Variants in SLC61A1 observed in about 807,000 individuals in gnomAD.
SLC61A1 encodes the protein major facilitator superfamily domain containing 5.
the SLC61A1 span, chr12:53,252,536 C>G: frequency 2.2e-6 from 3 of 1,366,922 alleles, no homozygotes; most frequent in Non-Finnish European, 2.8e-6. Flanking sequence ...GTAGAATTTG[C>G]GGGAGCGGGA....
chr12:53,253,269 T>C, the SLC61A1 span: 8 of 1,614,150 alleles, frequency 5.0e-6, no homozygotes, highest in Non-Finnish European at 8.5e-7. Flanking sequence ...GCCCTGCTCT[T>C]CTCAGCCTTC....
the SLC61A1 span, chr12:53,252,539 G>T: frequency 7.3e-7 from 1 of 1,375,044 alleles, no homozygotes; most frequent in South Asian, 1.7e-5. Flanking sequence ...GAATTTGCGG[G>T]AGCGGGATTA....
At chr12:53,252,325 G>T in the SLC61A1 span, 1 of 1,367,604 alleles carries the variant, frequency 7.3e-7, no homozygotes, top group Admixed American at 3.7e-5. Context: ...GCAGGGGCTA[G>T]GGGGCGCAGT....
the SLC61A1 span, chr12:53,253,504 G>T: frequency 1.2e-6 from 2 of 1,614,184 alleles, no homozygotes; most frequent in Non-Finnish European, 1.7e-6. Context: ...GAAACTGGGG[G>T]GAGAACTATG....
chr12:53,253,564 C>T, the SLC61A1 span: 1 of 1,614,032 alleles, frequency 6.2e-7, no homozygotes, highest in Non-Finnish European at 8.5e-7. Context: ...TGCGCTGCCT[C>T]CTGTCGGACC....
the SLC61A1 span, chr12:53,252,804 A>G: frequency 5.6e-6 from 9 of 1,610,564 alleles, no homozygotes; most frequent in African/African-American, 1.1e-4. Context: ...TCTGACTCCC[A>G]CCTCTCTTCC....
the SLC61A1 span, chr12:53,252,460 G>A: frequency 3.1e-6 from 4 of 1,293,778 alleles, no homozygotes; most frequent in Non-Finnish European, 3.9e-6. Flanking sequence ...AGGGCAAAAA[G>A]AGGCTCCGCA....
At chr12:53,253,135 T>C in the SLC61A1 span, 2 of 1,614,264 alleles carry the variant, frequency 1.2e-6, no homozygotes, top group Admixed American at 1.7e-5. Context: ...CCCTTGTGGA[T>C]TGGCTGGGTC....
the SLC61A1 span, chr12:53,252,900 C>G: frequency 6.2e-7 from 1 of 1,614,194 alleles, no homozygotes; most frequent in East Asian, 2.2e-5. Context: ...CTGGAACTGT[C>G]AAGATGCCGG....
chr12:53,253,000 T>C, the SLC61A1 span: 1 of 1,614,222 alleles, frequency 6.2e-7, no homozygotes, highest in South Asian at 1.1e-5. Context: ...CCCTGGCAGC[T>C]GATTGGCTTC....
At chr12:53,251,807 A>T in the SLC61A1 span, 1 of 1,537,292 alleles carries the variant, frequency 6.5e-7, no homozygotes, top group Middle Eastern at 1.7e-4. Flanking sequence ...GCTGTTCCTT[A>T]GGAAGCTCCA....
At chr12:53,251,748 G>A in the SLC61A1 span, 1 of 1,536,830 alleles carries the variant, frequency 6.5e-7, no homozygotes, top group South Asian at 1.2e-5. Context: ...GGTCACTGCA[G>A]TGGGAGAGGA....
the SLC61A1 span, chr12:53,251,449 CAAGG>C: frequency 2.3e-6 from 1 of 431,326 alleles, no homozygotes; most frequent in Non-Finnish European, 4.1e-6. Context: ...ATAGTTTTTC[CAAGG>C]TAAAACAGCT....
At chr12:53,253,350 C>T in the SLC61A1 span, 1 of 1,614,280 alleles carries the variant, frequency 6.2e-7, no homozygotes, top group Non-Finnish European at 8.5e-7. Flanking sequence ...GCTACCTTTG[C>T]TCGAGCTGCC....
At chr12:53,252,324 A>G in the SLC61A1 span, 2 of 1,356,438 alleles carry the variant, frequency 1.5e-6, no homozygotes, top group Non-Finnish European at 1.9e-6. Context: ...GGCAGGGGCT[A>G]GGGGGCGCAG....
the SLC61A1 span, chr12:53,252,235 G>A: frequency 1.4e-6 from 2 of 1,410,048 alleles, no homozygotes; most frequent in South Asian, 1.6e-5. Context: ...GGAGCCGGAC[G>A]TGTCCGGGGC....
chr12:53,254,115 T>G, the SLC61A1 span: 1 of 1,614,184 alleles, frequency 6.2e-7, no homozygotes, highest in African/African-American at 1.3e-5. Flanking sequence ...GTGGGACTCT[T>G]CACCGTGGTA....
the SLC61A1 span, chr12:53,252,782 G>A: frequency 1.1e-5 from 17 of 1,599,636 alleles, no homozygotes; most frequent in Admixed American, 3.4e-5. Context: ...CTGCCCGAAG[G>A]ATGGATATGG....
the SLC61A1 span, chr12:53,252,728 G>C: frequency 2.1e-6 from 3 of 1,432,402 alleles, no homozygotes; most frequent in South Asian, 4.0e-5. Context: ...TGGCAGCGGG[G>C]TTGGGTGGAG....
Sources: allele counts gnomAD v4.1 joint callset, GRCh38; gene constraint gnomAD v4.1.1; transcripts MANE v1.5; gene names NCBI Gene and HGNC (gene_info 2026-07-23, HGNC 2026-07-21).